Variants in VRK2 observed in about 807,000 individuals in gnomAD.
The protein encoded by VRK2 is VRK serine/threonine kinase 2.
VRK2 carries 60 observed loss-of-function variants against 57.6 expected under a neutral mutation model. The observed-to-expected ratio is 1.04, with a 90% CI of 0.85 to 1.29. The LOEUF (loss-of-function observed/expected upper bound fraction) is 1.29. Among genes scored for constraint, VRK2 ranks in the 50% most tolerant of loss-of-function variants. The pLI is 0.00. For missense variants in VRK2, 705 were observed against 588.1 expected, an observed-to-expected ratio of 1.20 and a Z score of -2.06; for synonymous variants, 231 against 199.2, an observed-to-expected ratio of 1.16 and a Z score of -1.35.
chr2:57,931,230 G>C (rs528260901), intron 1 of VRK2, among the ~76,000 whole-genome samples: 1 of 151,928 alleles, frequency 6.6e-6, no homozygotes, highest in Non-Finnish European at 1.5e-5. Flanking sequence ...TTTCATAATG[G>C]CTGTACCAAT....
At chr2:57,940,220 G>A (rs142921265) in intron 1 of VRK2, among the ~76,000 whole-genome samples, 10 of 152,216 alleles carry the variant, frequency 6.6e-5, no homozygotes, top group Admixed American at 4.6e-4. Flanking sequence ...AGCCTGTGGT[G>A]TAATTCCAGT....
At chr2:58,090,073 A>G (rs11883874) in intron 7 of VRK2, among the ~76,000 whole-genome samples, 9,482 of 152,206 alleles carry the variant, frequency 0.062, 984 homozygotes, top group African/African-American at 0.22. Flanking sequence ...ATATTAGTTC[A>G]TCATTTCCTA....
intron 7 of VRK2, among the ~76,000 whole-genome samples, chr2:58,100,848 A>G (rs1436393777): frequency 6.6e-6 from 1 of 151,734 alleles, no homozygotes; most frequent in African/African-American, 2.4e-5. Context: ...ACTTTGTGTA[A>G]TGTGTTAATA....
chr2:57,993,175 C>A (rs1338667678), intron 1 of VRK2, among the ~76,000 whole-genome samples: 1 of 152,134 alleles, frequency 6.6e-6, no homozygotes, highest in African/African-American at 2.4e-5. Context: ...ATACATCTTT[C>A]AACATTTAGC....
chr2:58,084,509 T>C (rs1346047776), intron 3 of VRK2, among the ~76,000 whole-genome samples: 1 of 151,890 alleles, frequency 6.6e-6, no homozygotes, highest in Non-Finnish European at 1.5e-5. Flanking sequence ...AAAGGTATCA[T>C]GTGTGAGTGG....
intron 2 of VRK2, among the ~76,000 whole-genome samples, chr2:58,075,105 T>G (rs1454055758): frequency 6.6e-6 from 1 of 152,112 alleles, no homozygotes; most frequent in Non-Finnish European, 1.5e-5. Flanking sequence ...CCATGTGTAC[T>G]CAGTGTTTTC....
intron 7 of VRK2, among the ~76,000 whole-genome samples, chr2:58,117,412 A>C (rs1395147037): frequency 6.6e-6 from 1 of 152,016 alleles, no homozygotes; most frequent in Non-Finnish European, 1.5e-5. Context: ...TACAGGGTGG[A>C]GGAGCAGAGG....
intron 1 of VRK2, among the ~76,000 whole-genome samples, chr2:57,927,170 T>C (rs72945357): frequency 0.018 from 2,802 of 152,188 alleles, 128 homozygotes; most frequent in African/African-American, 0.065. Flanking sequence ...CACTTAAACT[T>C]CTTATCCCCA....
intron 1 of VRK2, among the ~76,000 whole-genome samples, chr2:57,947,248 T>C (rs1447758711): frequency 6.6e-6 from 1 of 152,184 alleles, no homozygotes; most frequent in Non-Finnish European, 1.5e-5. Flanking sequence ...GAAATGGGTC[T>C]AGAAATTTTA....
intron 11 of VRK2, among the ~76,000 whole-genome samples, chr2:58,143,338 CTTCT>C (rs1681617991): frequency 6.6e-6 from 1 of 151,760 alleles, no homozygotes; most frequent in South Asian, 2.1e-4. Context: ...GTGTAGTATC[CTTCT>C]ATTATAAGGG....
At chr2:58,107,478 T>C (rs1674926748) in intron 7 of VRK2, among the ~76,000 whole-genome samples, 5 of 152,154 alleles carry the variant, frequency 3.3e-5, no homozygotes, top group Admixed American at 3.3e-4. Context: ...TTAATAGTCA[T>C]GAATAGTGAC....
At chr2:58,080,726 C>G (rs1225624009) in intron 2 of VRK2, among the ~76,000 whole-genome samples, 4 of 151,230 alleles carry the variant, frequency 2.6e-5, no homozygotes, top group African/African-American at 9.7e-5. Context: ...TACTTTGTTC[C>G]TCTGCATCAC....
At chr2:58,110,952 C>T (rs760570377) in intron 7 of VRK2, among the ~76,000 whole-genome samples, 8 of 152,170 alleles carry the variant, frequency 5.3e-5, no homozygotes, top group East Asian at 1.9e-4. Flanking sequence ...TTGGTGCACA[C>T]GCTGTGGTAG....
chr2:58,009,891 T>C (rs1464029235), intron 1 of VRK2, among the ~76,000 whole-genome samples: 1 of 152,028 alleles, frequency 6.6e-6, no homozygotes, highest in African/African-American at 2.4e-5. Context: ...AGAATAAATA[T>C]ATGCAGGCCT....
At chr2:58,049,281 G>A (rs1313835427) in intron 2 of VRK2, among the ~76,000 whole-genome samples, 1 of 151,962 alleles carries the variant, frequency 6.6e-6, no homozygotes, top group African/African-American at 2.4e-5. Context: ...TTTTTCAGAT[G>A]AGAAACCACA....
At chr2:58,093,708 C>T (rs894973031) in intron 7 of VRK2, among the ~76,000 whole-genome samples, 12 of 152,112 alleles carry the variant, frequency 7.9e-5, no homozygotes, top group Non-Finnish European at 1.6e-4. Context: ...GTTGCCATTG[C>T]TTTTGGTGTT....
Position 57,977,538 on chromosome 2 carries a change from A to C in VRK2, c.-438-48127A>C, listed in dbSNP as rs368613041. Among the ~76,000 whole-genome samples, 4 of 145,186 alleles carry C rather than the reference A, an allele frequency of 2.8e-5. 1 individual carries two copies. The highest frequency in any genetic ancestry group is 1.1e-4 in the African/African-American group (4 of 34,860). On this transcript the variant is annotated intron_variant, in intron 1 of 15. Coordinates refer to the VRK2 transcript ENST00000417641. Reference sequence around the variant, plus strand: ...TGCAGGTTGGACATTGTTGGTATACAGAAATGCTACCGATTTTTGTACATT... The same window carrying C: ...TGCAGGTTGGACATTGTTGGTATACCGAAATGCTACCGATTTTTGTACATT...
intron 1 of VRK2, among the ~76,000 whole-genome samples, chr2:57,926,998 T>TTGTGTATGTGTGTGTGTG: frequency 7.0e-6 from 1 of 142,842 alleles, no homozygotes; most frequent in South Asian, 2.3e-4. Flanking sequence ...TTTTAATTTC[T>TTGTGTATGTGTGTGTGTG]TGTGTGTGTG....
chr2:57,999,901 G>A (rs1005773880), intron 1 of VRK2, among the ~76,000 whole-genome samples: 6 of 152,064 alleles, frequency 3.9e-5, no homozygotes, highest in African/African-American at 1.4e-4. Context: ...CCAGCATTTT[G>A]GGAGGTCGAG....
Sources: gnomAD v4.1 joint callset for allele counts (sites outside exome capture counted in the v4.1 genomes callset) on GRCh38, gnomAD v4.1.1 for gene constraint, MANE v1.5 for transcripts, NCBI Gene and HGNC (gene_info 2026-07-23, HGNC 2026-07-21) for gene names.